The following CDH20 variants were observed in gnomAD, a reference collection of about 807,000 sequenced individuals.
The protein encoded by CDH20 is cadherin 20.
CDH20 carries 29 observed loss-of-function variants against 74.2 expected under a neutral mutation model. The ratio of observed to expected loss-of-function variants is 0.39; its 90% confidence interval spans 0.29 to 0.53. CDH20 has a LOEUF of 0.53. CDH20 is among the 20% of genes least tolerant of loss of function. The pLI is 0.69. For missense variants in CDH20, 988 were observed against 1,048.3 expected (o/e 0.94, Z 0.79); for synonymous variants, 469 against 405.4 (o/e 1.16, Z -1.88).
chr18:61,540,121 G>T (rs917931851), intron 9 of CDH20, among the ~76,000 whole-genome samples: 8 of 152,130 alleles, frequency 5.3e-5, no homozygotes, highest in African/African-American at 1.9e-4. Flanking sequence ...GCTTTTGTAA[G>T]ATGCTTTCCT....
At chr18:61,429,579 T>C (rs1044763847) in intron 1 of CDH20, among the ~76,000 whole-genome samples, 2 of 152,212 alleles carry the variant, frequency 1.3e-5, no homozygotes, top group African/African-American at 4.8e-5. Context: ...AATTTTCTTT[T>C]AGCTTTTGTC....
intron 1 of CDH20, among the ~76,000 whole-genome samples, chr18:61,417,760 A>C (rs1414454231): frequency 6.6e-6 from 1 of 152,060 alleles, no homozygotes; most frequent in Non-Finnish European, 1.5e-5. Flanking sequence ...TAGTGTGACT[A>C]TAGTCAACAA....
At chr18:61,335,722 C>T (rs921058250) in intron 1 of CDH20, among the ~76,000 whole-genome samples, 5 of 152,166 alleles carry the variant, frequency 3.3e-5, no homozygotes, top group Non-Finnish European at 7.3e-5. Context: ...CAAAAAAATA[C>T]TTTGAGCATC....
intron 1 of CDH20, among the ~76,000 whole-genome samples, chr18:61,455,044 G>C (rs1037656656): frequency 6.6e-6 from 1 of 152,128 alleles, no homozygotes; most frequent in African/African-American, 2.4e-5. Flanking sequence ...TGGACTCATC[G>C]ATACAATGAT....
intron 10 of CDH20, among the ~76,000 whole-genome samples, chr18:61,548,393 A>C (rs1913324020): frequency 6.6e-6 from 1 of 152,090 alleles, no homozygotes; most frequent in Non-Finnish European, 1.5e-5. Flanking sequence ...TAATAAAATC[A>C]CTCTAGGCCT....
chr18:61,528,837 A>G (rs2144373221), intron 7 of CDH20, among the ~76,000 whole-genome samples: 1 of 152,310 alleles, frequency 6.6e-6, no homozygotes, highest in East Asian at 1.9e-4. Flanking sequence ...ACTTTTTAAA[A>G]CTGGGGAAAA....
intron 1 of CDH20, among the ~76,000 whole-genome samples, chr18:61,467,382 C>CA (rs1909998589): frequency 6.6e-6 from 1 of 151,900 alleles, no homozygotes; most frequent in Non-Finnish European, 1.5e-5. Context: ...TTTTTTTCCC[C>CA]AAAAGTCAGG....
At chr18:61,404,733 AG>A (rs1353018452) in intron 1 of CDH20, 12 of 319,528 alleles carry the variant, frequency 3.8e-5, no homozygotes, top group South Asian at 7.2e-5. Flanking sequence ...GCATGAAAAA[AG>A]AGACCCTTTT....
At chr18:61,420,918 T>C (rs1350837021) in intron 1 of CDH20, among the ~76,000 whole-genome samples, 2 of 151,978 alleles carry the variant, frequency 1.3e-5, no homozygotes, top group Non-Finnish European at 2.9e-5. Flanking sequence ...GCTGGGCGTG[T>C]GGCGTGCCTG....
intron 1 of CDH20, among the ~76,000 whole-genome samples, chr18:61,363,269 G>A (rs1677746037): frequency 6.6e-6 from 1 of 152,128 alleles, no homozygotes. Flanking sequence ...ACACAGCATG[G>A]TATATTGTGC....
At chr18:61,452,307 C>G (rs1372704481) in intron 1 of CDH20, among the ~76,000 whole-genome samples, 1 of 152,058 alleles carries the variant, frequency 6.6e-6, no homozygotes, top group Non-Finnish European at 1.5e-5. Context: ...TGTTTTATCA[C>G]CACTTAGAAT....
chr18:61,411,469 G>C (rs1912500479), intron 1 of CDH20, among the ~76,000 whole-genome samples: 2 of 152,048 alleles, frequency 1.3e-5, no homozygotes, highest in Admixed American at 6.5e-5. Flanking sequence ...ATTTATAACA[G>C]CACAATTCGC....
At chr18:61,527,545 C>T (rs904260092) in intron 6 of CDH20, among the ~76,000 whole-genome samples, 5 of 152,030 alleles carry the variant, frequency 3.3e-5, no homozygotes, top group Admixed American at 6.6e-5. Flanking sequence ...TTGCCTGGGA[C>T]AGAATAGAGT....
chr18:61,392,390 C>T (rs1911819851), intron 1 of CDH20, among the ~76,000 whole-genome samples: 1 of 152,138 alleles, frequency 6.6e-6, no homozygotes, highest in South Asian at 2.1e-4. Context: ...TCTGCAGATG[C>T]AGAAGCTGTG....
chr18:61,374,623 A>G (rs1057414117), intron 1 of CDH20, among the ~76,000 whole-genome samples: 5 of 152,296 alleles, frequency 3.3e-5, no homozygotes, highest in East Asian at 1.9e-4. Flanking sequence ...CAAAACTTAT[A>G]TGAAATTTTT....
At chr18:61,378,829 G>C (rs1185585191) in intron 1 of CDH20, among the ~76,000 whole-genome samples, 1 of 152,162 alleles carries the variant, frequency 6.6e-6, no homozygotes, top group African/African-American at 2.4e-5. Flanking sequence ...CTTCAGCTTA[G>C]ATGTGACTTG....
chr18:61,383,580 A>T (rs1009713345), intron 1 of CDH20, among the ~76,000 whole-genome samples: 2 of 151,414 alleles, frequency 1.3e-5, no homozygotes, highest in African/African-American at 4.8e-5. Context: ...GGCTCTGTCT[A>T]AAAAAAAATA....
At chr18:61,371,239 C>T (rs1911026766) in intron 1 of CDH20, among the ~76,000 whole-genome samples, 1 of 152,060 alleles carries the variant, frequency 6.6e-6, no homozygotes, top group South Asian at 2.1e-4. Flanking sequence ...TTCACTTGTA[C>T]CTGATGAGAC....
chr18:61,352,457 C>A (rs1910336186), intron 1 of CDH20, among the ~76,000 whole-genome samples: 1 of 152,142 alleles, frequency 6.6e-6, no homozygotes, highest in Non-Finnish European at 1.5e-5. Flanking sequence ...TCTATGATAA[C>A]TATTTGTGGC....
Sources: gnomAD v4.1 joint callset for allele counts (sites outside exome capture counted in the v4.1 genomes callset) on GRCh38, gnomAD v4.1.1 for gene constraint, MANE v1.5 for transcripts, NCBI Gene and HGNC (gene_info 2026-07-23, HGNC 2026-07-21) for gene names.